The following BTNL2 variants were observed in gnomAD, a reference collection of about 807,000 sequenced individuals.
BTNL2 encodes butyrophilin-like protein 2.
Under a neutral mutation model 46.8 loss-of-function variants are expected in BTNL2, and 46 were observed. The ratio of observed to expected loss-of-function variants is 0.98; its 90% CI spans 0.78 to 1.26. BTNL2 has a LOEUF of 1.26. Among genes scored for constraint, BTNL2 ranks in the 50% most tolerant of loss-of-function variants. The pLI is 0.00. For missense variants in BTNL2, 461 were observed against 592.6 expected, an observed-to-expected ratio of 0.78 and a Z score of 2.31; for synonymous variants, 226 against 229.1, an observed-to-expected ratio of 0.99 and a Z score of 0.12.
At position 32,394,681 on chromosome 6, in the gene BTNL2, G is replaced by A. The variant is rs150777965; in HGVS notation, c.1360+63C>T. 1.3e-6 allele frequency: 2 copies of A among 1,509,578 alleles called. No individual in the cohort carries two copies. The highest frequency in any genetic ancestry group is 1.8e-5 in the Admixed American group (1 of 54,678). 93.5% of individuals were successfully genotyped at this position (1,509,578 alleles called of 1,614,324 possible). On this transcript the variant is annotated intron_variant, in intron 6 of 7. Transcript: ENST00000454136. This position sits in a 1 kb window ranked among gnomAD's most constrained non-coding sequence, Gnocchi z 4.6. ...CAAAGGAAGAAGAGCAATACAATGA[G>A]TAAGTCTGAGTTGGTCTTCATATTT... is the stretch of plus-strand genomic sequence containing the variant.
chr6:32,403,069 C>T lies in BTNL2; in HGVS notation c.575G>A (p.Arg192His), dbSNP rs146129641. The T allele has an allele frequency of 1.1e-3, 1,705 of 1,612,898 alleles. 14 individuals are homozygous for T. In the African/African-American group the frequency reaches 0.018, roughly 17 times the overall value. ...GEKLLAVSEH[R>H]IQDKDGLFYA... ...GAACAGGCCATCTTTATCTTGGATGCGATGCTCAGACACGGCCAGCAGCTT... is the reference window on the plus strand; with the variant it reads ...GAACAGGCCATCTTTATCTTGGATGTGATGCTCAGACACGGCCAGCAGCTT... The change falls in exon 3 of 8, where the codon CGC becomes CAC. Residue 192 changes from arginine to histidine, a missense_variant. By Grantham distance (29) the Arg-to-His change is conservative. Transcript: ENST00000454136.
chr6:32,403,632 T>C (rs757962631), intron 2 of BTNL2: 16,541 of 168,072 alleles, frequency 0.098, 980 homozygotes, highest in East Asian at 0.18. Flanking sequence ...TCCAATTTGA[T>C]TGAAGATTTA....
intron 3 of BTNL2, 44 bp from the exon 4 acceptor site, chr6:32,401,849 G>C (rs1352997450): frequency 6.4e-7 from 1 of 1,563,822 alleles, no homozygotes; most frequent in Admixed American, 1.7e-5. Flanking sequence ...TTTGGTGTAA[G>C]GGAAAGGAGA....
Position 32,402,976 on chromosome 6 carries a change from G to C in BTNL2, c.668C>G (p.Pro223Arg). The part of the protein sequence containing the change: ...AESVSCLVHN[P>R]VLTEEKGSVI... Reference sequence around the variant, plus strand: ...CGACCCCTTCTCCTCAGTGAGGACGGGGTTGTGGACCAAGCAGGACACAGA... The same window carrying C: ...CGACCCCTTCTCCTCAGTGAGGACGCGGTTGTGGACCAAGCAGGACACAGA... Residue 223 changes from proline to arginine, a missense_variant, in exon 3 of 8, where the codon CCC becomes CGC. Transcript: ENST00000454136. 5.6e-6 allele frequency: 9 copies of C among 1,613,044 alleles called. No homozygotes were observed. The highest frequency in any genetic ancestry group is 7.6e-6 in the Non-Finnish European group (9 of 1,180,016).
intron 2 of BTNL2, among the ~76,000 whole-genome samples, 177 bp from the exon 3 acceptor site, chr6:32,403,393 C>T (rs1323280781): frequency 6.6e-6 from 1 of 152,154 alleles, no homozygotes; most frequent in Non-Finnish European, 1.5e-5. Flanking sequence ...TTATTTGTTC[C>T]CCAGTCTGGG....
In BTNL2 at chr6:32,394,160, A is replaced by C; in HGVS notation, c.1361-103T>G. On this transcript the variant is annotated intron_variant, in intron 6 of 7. Transcript: ENST00000454136. The surrounding 1 kb of genome is among the most constrained non-coding windows in gnomAD (Gnocchi z 4.6). ...TTCTAGGCTGGAGAGAAGGGAGAGA[A>C]TTTGGCCTCCCAGGAAGCAGTTGGC... The C allele has an allele frequency of 6.8e-7, 1 of 1,479,462 alleles. No homozygotes were observed. The highest frequency in any genetic ancestry group is 2.5e-5 in the East Asian group (1 of 39,960). The allele number at this position is 1,479,462 out of a possible 1,614,324, so 91.6% of individuals were successfully genotyped here. A position where few individuals can be genotyped will look rare whatever the true frequency, so the allele number is the denominator to read the frequency against.
At chr6:32,400,796 C>G (rs1309472260) in intron 4 of BTNL2, among the ~76,000 whole-genome samples, 3 of 142,340 alleles carry the variant, frequency 2.1e-5, no homozygotes, top group Non-Finnish European at 4.6e-5. Flanking sequence ...GCCTGTAGTC[C>G]CAGTTACTCA....
In BTNL2 at chr6:32,403,219, G is replaced by A; in HGVS notation, c.428-3C>T. ...GATGCTAGGGGCAGACCCCAGACCT[G>A]CAGAGGGAAGCCACAGCTCTGACAC... On this transcript the variant is annotated splice_region_variant and splice_polypyrimidine_tract_variant and intron_variant, in intron 2 of 7. Transcript: ENST00000454136. The A allele has an allele frequency of 6.3e-7, 1 of 1,596,770 alleles. No homozygotes were observed. The highest frequency in any genetic ancestry group is 8.5e-7 in the Non-Finnish European group (1 of 1,171,176).
intron 4 of BTNL2, among the ~76,000 whole-genome samples, chr6:32,398,882 A>G (rs2150313129): frequency 6.6e-6 from 1 of 152,366 alleles, no homozygotes; most frequent in South Asian, 2.1e-4. Flanking sequence ...ATGTTCTACT[A>G]GAATACAAGC....
chr6:32,401,121 T>C (rs2150316482), intron 4 of BTNL2, among the ~76,000 whole-genome samples: 1 of 137,642 alleles, frequency 7.3e-6, no homozygotes, highest in African/African-American at 2.8e-5. Context: ...GGCAGGAGAA[T>C]GGCCTGAACC....
rs201812131 is a variant in BTNL2, at chr6:32,405,024, G to A, written c.342C>T (p.Ile114=). ...KGNVALKIHN[I]QPSDNGQYWC... Reference sequence around the variant, plus strand: ...AGTATTGTCCATTGTCGGAGGGCTGGATGTTGTGTATCTTCAGTGCCACAT... The same window carrying A: ...AGTATTGTCCATTGTCGGAGGGCTGAATGTTGTGTATCTTCAGTGCCACAT... Residue 114 remains isoleucine, a synonymous_variant, in exon 2 of 8, where the codon ATC becomes ATT. Transcript: ENST00000454136. 1.1e-5 allele frequency: 18 copies of A among 1,612,906 alleles called. No individual in the cohort carries two copies. Among genetic ancestry groups the A allele is most frequent in the African/African-American group, 4.0e-5 (3 of 74,902 alleles).
At position 32,405,282 on chromosome 6, in the gene BTNL2, G is replaced by A. The variant is rs41346546; in HGVS notation, c.84C>T (p.Asp28=). 9.9e-4 allele frequency: 1,590 copies of A among 1,612,856 alleles called. 13 individuals carry two copies. The African/African-American group carries it at 0.018, about 18-fold the overall frequency. The change falls in exon 2 of 8, where the codon GAC becomes GAT. Residue 28 remains aspartate (D), a synonymous_variant. Coordinates refer to ENST00000454136, the MANE Select transcript of BTNL2 (RefSeq NM_001304561.2). ...FILLTMKQSE[D]FRVIGPAHPI... ...GATGAGCAGGGCCAATGACTCTAAA[G>A]TCTTCTATAAAATAAGTGAAAAAGA... is the stretch of plus-strand genomic sequence containing the variant.
At chr6:32,397,737 G>GTC (rs61692165) in intron 4 of BTNL2, among the ~76,000 whole-genome samples, 27,065 of 152,144 alleles carry the variant, frequency 0.18, 2,697 homozygotes, top group East Asian at 0.22. Flanking sequence ...GCACAGACCT[G>GTC]TGAGACTTGA....
At chr6:32,406,977 C>A in intron 1 of BTNL2, 68 bp downstream of exon 1, 1 of 1,467,860 alleles carries the variant, frequency 6.8e-7, no homozygotes, top group Non-Finnish European at 9.5e-7. Context: ...ATGTTGTTCT[C>A]GACCTTTGGA....
chr6:32,402,679 G>A (rs1335903604), intron 3 of BTNL2, among the ~76,000 whole-genome samples: 1 of 152,158 alleles, frequency 6.6e-6, no homozygotes, highest in Admixed American at 6.5e-5. Context: ...TCTTTACAAT[G>A]CAATGAATAC....
chr6:32,398,604 A>T (rs1035390171), intron 4 of BTNL2, among the ~76,000 whole-genome samples: 1 of 152,122 alleles, frequency 6.6e-6, no homozygotes, highest in Non-Finnish European at 1.5e-5. Context: ...CTGTTTCCTC[A>T]TCTCCTTTAT....
chr6:32,404,325 C>G (rs1332482143), intron 2 of BTNL2, among the ~76,000 whole-genome samples: 1 of 152,188 alleles, frequency 6.6e-6, no homozygotes, highest in African/African-American at 2.4e-5. Context: ...CAGTTGTCCC[C>G]TTCTTCCCTA....
chr6:32,403,311 C>T (rs1776911821), intron 2 of BTNL2, 95 bp from the exon 3 acceptor site: 2 of 1,408,258 alleles, frequency 1.4e-6, no homozygotes, highest in Non-Finnish European at 1.9e-6. Flanking sequence ...AGGGAGGTGG[C>T]CGGAGTTCAG....
In BTNL2 at chr6:32,407,066, G is replaced by A. The variant is rs775165091; in HGVS notation, c.58C>T (p.Leu20=). Residue 20 remains leucine (L), a synonymous_variant, in exon 1 of 8, where the codon CTG becomes TTG. Transcript: ENST00000454136. ...SGAVASFLFI[L]LTMKQSEDFR... is the part of the protein sequence containing the mutation. ...CTACCTGACTGCTTCATTGTCAGCA[G>A]GATGAATAGGAAGGAGGCGACTGCA... The A allele has an allele frequency of 1.5e-5, 24 of 1,612,830 alleles. No homozygotes were observed. In the African/African-American group the frequency reaches 2.7e-4, roughly 18 times the overall value.
Sources: gnomAD v4.1 joint callset for allele counts (sites outside exome capture counted in the v4.1 genomes callset) on GRCh38, gnomAD v4.1.1 for gene constraint, Gnocchi (gnomAD v3.1) non-coding constraint, MANE v1.5 for transcripts, NCBI Gene and HGNC (gene_info 2026-07-23, HGNC 2026-07-21) for gene names.